CCSER1: variants seen among roughly 807,000 people sequenced by gnomAD.
CCSER1 encodes serine-rich coiled-coil domain-containing protein 1.
A neutral mutation model predicts 82.0 loss-of-function variants in CCSER1; 41 were observed. The ratio of observed to expected loss-of-function variants is 0.50; its 90% CI spans 0.39 to 0.65. The LOEUF is 0.65. Ranked by LOEUF, CCSER1 falls within the 30% of genes least tolerant of loss-of-function variation. The pLI is 0.00. For synonymous variants in CCSER1, 414 were observed against 383.9 expected, an observed-to-expected ratio of 1.08 and a Z score of -0.92; for missense variants, 1,119 against 1,064.2, an observed-to-expected ratio of 1.05 and a Z score of -0.72.
At chr4:90,860,204 C>G (rs1764914321) in intron 8 of CCSER1, among the ~76,000 whole-genome samples, 1 of 151,514 alleles carries the variant, frequency 6.6e-6, no homozygotes, top group African/African-American at 2.4e-5. Context: ...TTTGAATAGA[C>G]ATTTCTCACT....
At chr4:90,836,290 A>G (rs1761792978) in intron 8 of CCSER1, among the ~76,000 whole-genome samples, 1 of 152,138 alleles carries the variant, frequency 6.6e-6, no homozygotes, top group Non-Finnish European at 1.5e-5. Context: ...CTGGCATCCT[A>G]ATGAATGTAT....
intron 5 of CCSER1, among the ~76,000 whole-genome samples, chr4:90,551,738 G>A (rs116825267): frequency 0.012 from 1,427 of 122,062 alleles, 28 homozygotes; most frequent in African/African-American, 0.042. Context: ...GTAATTACCT[G>A]TATTCTTGTC....
intron 9 of CCSER1, among the ~76,000 whole-genome samples, chr4:90,925,924 G>A (rs1729002105): frequency 6.6e-6 from 1 of 152,022 alleles, no homozygotes; most frequent in Non-Finnish European, 1.5e-5. Context: ...AGATGTAACT[G>A]TAATACTAAA....
chr4:90,957,609 ATATAT>A (rs1191132637), intron 9 of CCSER1, among the ~76,000 whole-genome samples: 5 of 116,960 alleles, frequency 4.3e-5, no homozygotes, highest in East Asian at 2.3e-4. Flanking sequence ...TATATATAAT[ATATAT>A]TATATTGTAT....
At chr4:91,427,719 AATAAT>A (rs1294187889) in intron 10 of CCSER1, among the ~76,000 whole-genome samples, 1 of 152,124 alleles carries the variant, frequency 6.6e-6, no homozygotes, top group Non-Finnish European at 1.5e-5. Flanking sequence ...ATTCTTATAA[AATAAT>A]ATAATAATTG....
At chr4:90,868,678 C>T (rs192279979) in intron 8 of CCSER1, among the ~76,000 whole-genome samples, 2 of 152,068 alleles carry the variant, frequency 1.3e-5, no homozygotes, top group East Asian at 3.9e-4. Flanking sequence ...TGGAGATATA[C>T]CTTTAATATA....
In CCSER1 at chr4:91,415,383, C is replaced by T. The variant is rs190875904; in HGVS notation, c.2218-183189C>T. 1.2e-4 allele frequency among the ~76,000 whole-genome samples: 18 copies of T among 152,202 alleles called. No homozygotes were observed. The East Asian group carries it at 3.3e-3, about 28-fold the overall frequency. On this transcript the variant is annotated intron_variant, in intron 10 of 10. Transcript: ENST00000509176. ...AAAAGATAATTTGACTTCCTCTGTT[C>T]CTATTTGAATATCCTTTATTTCTTT...
chr4:91,486,982 A>C (rs13103495), intron 10 of CCSER1, among the ~76,000 whole-genome samples: 35,612 of 151,984 alleles, frequency 0.23, 4,743 homozygotes, highest in East Asian at 0.55. Flanking sequence ...ATATAATGTG[A>C]TTGTGAAGTC....
intron 3 of CCSER1, among the ~76,000 whole-genome samples, chr4:90,323,817 C>T (rs1209221069): frequency 6.6e-6 from 1 of 152,184 alleles, no homozygotes; most frequent in Admixed American, 6.5e-5. Context: ...TATCCCTCCC[C>T]TCTCTTCCCA....
intron 7 of CCSER1, among the ~76,000 whole-genome samples, chr4:90,741,660 C>A (rs1479787514): frequency 6.6e-6 from 1 of 152,248 alleles, no homozygotes; most frequent in Middle Eastern, 3.4e-3. Flanking sequence ...CCATTATACT[C>A]ATTTTTATTG....
intron 10 of CCSER1, among the ~76,000 whole-genome samples, chr4:91,253,283 C>T (rs909588095): frequency 6.6e-6 from 1 of 151,996 alleles, no homozygotes; most frequent in Non-Finnish European, 1.5e-5. Context: ...TTTTCTCTGG[C>T]TTACTTTAAG....
chr4:90,403,498 C>CAAA lies in CCSER1; in HGVS notation c.1603+3389_1603+3391dup, dbSNP rs753570201. ...TGGGCGACAGAGCGAGACTCCGTCT[C>CAAA]AAAAAAAAAAAAAAAAAAAAAAGAA... On this transcript the variant is annotated intron_variant, in intron 4 of 10. Transcript: ENST00000509176. Among the ~76,000 whole-genome samples the CAAA allele has an allele frequency of 1.7e-3, 78 of 45,816 alleles. 1 individual carries two copies. Among genetic ancestry groups the CAAA allele is most frequent in the East Asian group, 4.5e-3 (9 of 1,990 alleles). The allele number at this position is 45,816 out of a possible 152,430, so 30.1% of individuals were successfully genotyped here.
chr4:91,002,296 G>A (rs906296762), intron 9 of CCSER1, among the ~76,000 whole-genome samples: 6 of 152,170 alleles, frequency 3.9e-5, no homozygotes, highest in Non-Finnish European at 8.8e-5. Context: ...GGATGTCTAG[G>A]TCTCTGGCAA....
At chr4:90,210,893 C>A (rs952122361) in intron 1 of CCSER1, among the ~76,000 whole-genome samples, 2 of 151,960 alleles carry the variant, frequency 1.3e-5, no homozygotes, top group African/African-American at 4.8e-5. Context: ...AAAATAATTC[C>A]ATTTTCACAA....
At chr4:91,172,609 C>T (rs1732877585) in intron 10 of CCSER1, among the ~76,000 whole-genome samples, 1 of 152,164 alleles carries the variant, frequency 6.6e-6, no homozygotes. Flanking sequence ...CGTGATGCCT[C>T]ATTTTGTCAT....
At chr4:91,122,901 AC>A (rs1052925621) in intron 10 of CCSER1, among the ~76,000 whole-genome samples, 1 of 151,734 alleles carries the variant, frequency 6.6e-6, no homozygotes, top group Non-Finnish European at 1.5e-5. Flanking sequence ...TTAACATCTT[AC>A]AATGTATAAT....
At chr4:91,073,431 G>A (rs1721639161) in intron 9 of CCSER1, among the ~76,000 whole-genome samples, 1 of 152,124 alleles carries the variant, frequency 6.6e-6, no homozygotes. Context: ...TTTTAAGTAG[G>A]TTAAGTTGCC....
chr4:90,529,967 A>G (rs1262849601), intron 5 of CCSER1, among the ~76,000 whole-genome samples: 1 of 149,954 alleles, frequency 6.7e-6, no homozygotes, highest in Non-Finnish European at 1.5e-5. Flanking sequence ...TTTTTCTCTA[A>G]TGGTAGAGAA....
intron 4 of CCSER1, among the ~76,000 whole-genome samples, chr4:90,461,331 T>TGCTGG (rs1418729369): frequency 6.6e-6 from 1 of 151,482 alleles, no homozygotes; most frequent in Non-Finnish European, 1.5e-5. Context: ...CCTCCCAAAG[T>TGCTGG]GCTGGGATTA....
Sources: allele counts gnomAD v4.1 joint callset (sites outside exome capture counted in the v4.1 genomes callset), GRCh38; gene constraint gnomAD v4.1.1; transcripts MANE v1.5; gene names NCBI Gene and HGNC (gene_info 2026-07-23, HGNC 2026-07-21).